CYRIA: variants seen among roughly 807,000 people sequenced by gnomAD.
CYRIA encodes CYFIP related Rac1 interactor A, also known as CYFIP-related Rac1 interactor A.
Under a neutral mutation model 43.9 loss-of-function variants are expected in CYRIA, and 15 were observed. The observed-to-expected ratio is 0.34, with a 90% CI of 0.23 to 0.53. The LOEUF (loss-of-function observed/expected upper bound fraction) is 0.53, where lower values mean the gene tolerates loss of function less well. Among genes scored for constraint, CYRIA ranks in the 20% least tolerant of loss-of-function variants. The probability of loss-of-function intolerance (pLI) is 0.94; values close to 1 mark genes in which losing one functional copy is unlikely to be tolerated. For synonymous variants in CYRIA, 117 were observed against 136.0 expected, an observed-to-expected ratio of 0.86 and a Z score of 0.97; for missense variants, 236 against 394.2, an observed-to-expected ratio of 0.60 and a Z score of 3.40.
In CYRIA at chr2:16,649,047, G is replaced by A. The variant is rs191794287; in HGVS notation, c.-167+16733C>T. 2.1e-3 allele frequency among the ~76,000 whole-genome samples: 315 copies of A among 151,590 alleles called. 3 individuals are homozygous for A. The highest frequency in any genetic ancestry group is 3.5e-3 in the Non-Finnish European group (241 of 67,956). On this transcript the variant is annotated intron_variant, in intron 1 of 11. Transcript: ENST00000381323. ...AGTTCCACATCCTTGGAATTCAACCGACCAGGTTGGAAAATACTCAGAAAA... is the reference window on the plus strand; with the variant it reads ...AGTTCCACATCCTTGGAATTCAACCAACCAGGTTGGAAAATACTCAGAAAA...
intron 1 of CYRIA, among the ~76,000 whole-genome samples, chr2:16,659,943 T>A (rs1670204046): frequency 1.3e-5 from 2 of 152,150 alleles, no homozygotes; most frequent in South Asian, 4.2e-4. Flanking sequence ...GCCACTCCTG[T>A]GTCTCTGCTT....
At chr2:16,573,905 T>C (rs915505177) in intron 3 of CYRIA, among the ~76,000 whole-genome samples, 1 of 152,188 alleles carries the variant, frequency 6.6e-6, no homozygotes, top group African/African-American at 2.4e-5. Context: ...GGTAAATTGG[T>C]ACCAGTACAG....
At chr2:16,638,690 AT>A (rs1669577949) in intron 1 of CYRIA, among the ~76,000 whole-genome samples, 1 of 152,144 alleles carries the variant, frequency 6.6e-6, no homozygotes, top group African/African-American at 2.4e-5. Flanking sequence ...TTGTAAAGGA[AT>A]CTGCATTTTG....
chr2:16,577,768 A>G (rs1667402433), intron 3 of CYRIA, among the ~76,000 whole-genome samples: 2 of 152,238 alleles, frequency 1.3e-5, no homozygotes, highest in Admixed American at 1.3e-4. Flanking sequence ...CTAACAAAAG[A>G]AGTTGAGAAC....
At chr2:16,628,187 GT>G (rs1050666980) in intron 1 of CYRIA, among the ~76,000 whole-genome samples, 182 of 152,176 alleles carry the variant, frequency 1.2e-3, no homozygotes, top group African/African-American at 4.0e-3. Context: ...GCCACCATTT[GT>G]TGGCAGGTTA....
intron 1 of CYRIA, among the ~76,000 whole-genome samples, chr2:16,662,468 A>T (rs1318126112): frequency 2.6e-5 from 4 of 152,238 alleles, no homozygotes; most frequent in Non-Finnish European, 1.5e-5. Flanking sequence ...ACCACAGTTA[A>T]GACAAAGCAG....
At chr2:16,630,423 G>GCCCA (rs1271401037) in intron 1 of CYRIA, among the ~76,000 whole-genome samples, 1 of 152,076 alleles carries the variant, frequency 6.6e-6, no homozygotes, top group Non-Finnish European at 1.5e-5. Context: ...CAGAACAAGA[G>GCCCA]CCCAGATCTC....
At chr2:16,558,951 GA>G (rs1399440710) in intron 10 of CYRIA, among the ~76,000 whole-genome samples, 1 of 152,124 alleles carries the variant, frequency 6.6e-6, no homozygotes, top group African/African-American at 2.4e-5. Flanking sequence ...AGAGGAAGAG[GA>G]AGGGCTCTCT....
At chr2:16,573,309 C>CCTGACAGTGTCTCAGATT (rs1211895760) in intron 3 of CYRIA, among the ~76,000 whole-genome samples, 3 of 152,162 alleles carry the variant, frequency 2.0e-5, no homozygotes, top group Non-Finnish European at 4.4e-5. Context: ...AGGCTTGATC[C>CCTGACAGTGTCTCAGATT]CTGACAGTGT....
intron 5 of CYRIA, 40 bp from the exon 6 acceptor site, chr2:16,562,181 C>T (rs1666760160): frequency 1.9e-6 from 3 of 1,582,490 alleles, no homozygotes; most frequent in Non-Finnish European, 2.6e-6. Flanking sequence ...TGGAGGTGGC[C>T]CACAGAGGTC....
chr2:16,630,438 C>A (rs757209908), intron 1 of CYRIA, among the ~76,000 whole-genome samples: 17 of 152,068 alleles, frequency 1.1e-4, no homozygotes, highest in Non-Finnish European at 2.2e-4. Flanking sequence ...GATCTCTACT[C>A]CTGGGCTCAC....
intron 3 of CYRIA, among the ~76,000 whole-genome samples, chr2:16,567,190 G>C (rs1452629322): frequency 6.6e-6 from 1 of 152,144 alleles, no homozygotes; most frequent in Admixed American, 6.5e-5. Flanking sequence ...CAGATCACTA[G>C]GTCAGGAGAT....
intron 3 of CYRIA, among the ~76,000 whole-genome samples, chr2:16,574,599 C>T (rs1317494540): frequency 1.3e-5 from 2 of 152,206 alleles, no homozygotes; most frequent in Non-Finnish European, 2.9e-5. Context: ...GACTTGGTTC[C>T]CTGCATCCCA....
intron 11 of CYRIA, among the ~76,000 whole-genome samples, chr2:16,554,502 T>C (rs1666431837): frequency 6.6e-6 from 1 of 152,160 alleles, no homozygotes; most frequent in Admixed American, 6.5e-5. Flanking sequence ...ATCTAGACAG[T>C]GGGTTCTCAA....
At chr2:16,607,397 A>G (rs1417136331) in intron 2 of CYRIA, among the ~76,000 whole-genome samples, 2 of 152,174 alleles carry the variant, frequency 1.3e-5, no homozygotes, top group Non-Finnish European at 2.9e-5. Context: ...GAAGTTAGCC[A>G]TGGTTAGCAT....
chr2:16,588,737 A>G lies in CYRIA; in HGVS notation c.-10-608T>C, dbSNP rs1667821504. ...CTGCCAGGAACTCCTCTTAACATGT[A>G]TAAGAGGCCAGATTTCTCAGAGGAG... On this transcript the variant is annotated intron_variant, in intron 2 of 11. Transcript: ENST00000381323. 2.0e-5 allele frequency among the ~76,000 whole-genome samples: 3 copies of G among 152,162 alleles called. No individual in the cohort carries two copies. The South Asian group carries it at 6.2e-4, about 31-fold the overall frequency.
intron 2 of CYRIA, among the ~76,000 whole-genome samples, chr2:16,610,485 G>A (rs942828481): frequency 1.3e-5 from 2 of 152,300 alleles, no homozygotes; most frequent in East Asian, 1.9e-4. Flanking sequence ...ATTAGCACAT[G>A]GTTTGGCATT....
chr2:16,633,440 G>T (rs757451815), intron 1 of CYRIA, among the ~76,000 whole-genome samples: 1 of 151,298 alleles, frequency 6.6e-6, no homozygotes, highest in African/African-American at 2.4e-5. Context: ...TTGAGACAGG[G>T]TCTCGTTCTG....
rs543386007 is a variant in CYRIA, at chr2:16,635,350, A to G, written c.-166-11331T>C. On this transcript the variant is annotated intron_variant, in intron 1 of 11. Coordinates refer to ENST00000381323, the MANE Select transcript of CYRIA (RefSeq NM_030797.4). The stretch of plus-strand genomic sequence containing the variant: ...CTTGAACACATCAGCATGCACAAGG[A>G]AAATAAAAGGAGTCAGCTTGCAGGA... 2.6e-5 allele frequency among the ~76,000 whole-genome samples: 4 copies of G among 152,318 alleles called. No individual in the cohort carries two copies. In the East Asian group the frequency reaches 7.7e-4, roughly 29 times the overall value.
Sources: allele counts gnomAD v4.1 joint callset (sites outside exome capture counted in the v4.1 genomes callset), GRCh38; gene constraint gnomAD v4.1.1; transcripts MANE v1.5; gene names NCBI Gene and HGNC (gene_info 2026-07-23, HGNC 2026-07-21).